Variants in DCDC1 observed in about 807,000 individuals in gnomAD.
DCDC1 encodes the protein doublecortin domain containing 1.
A neutral mutation model predicts 178.3 loss-of-function variants in DCDC1; 200 were observed. That is an observed-to-expected ratio of 1.12 (90% confidence interval 1.00 to 1.26). The LOEUF is 1.26. Ranked by LOEUF, DCDC1 falls within the 50% of genes most tolerant of loss-of-function variation. The pLI is 0.00. For missense variants in DCDC1, 1,983 were observed against 1,749.2 expected (o/e 1.13, Z -2.38); for synonymous variants, 690 against 604.8 (o/e 1.14, Z -2.07).
In DCDC1 at chr11:31,176,482, A is replaced by C. The variant is rs146485529; in HGVS notation, c.1222-38698T>G. Among the ~76,000 whole-genome samples, 35 of 152,346 alleles carry C rather than the reference A, an allele frequency of 2.3e-4. No homozygotes were observed. In the East Asian group the frequency reaches 5.0e-3, roughly 22 times the overall value. On this transcript the variant is annotated intron_variant, in intron 9 of 38. Coordinates refer to ENST00000684477, the MANE Select transcript of DCDC1 (RefSeq NM_001387274.1). The stretch of plus-strand genomic sequence containing the variant: ...GAGAAAAGCAAAGAAAATCTATTTA[A>C]CAAAAAATAGCTGAAAATTTGCCAA...
At chr11:31,041,599 CAAGTCTGTGCTCCT>C (rs1299086133) in intron 20 of DCDC1, among the ~76,000 whole-genome samples, 1 of 152,144 alleles carries the variant, frequency 6.6e-6, no homozygotes, top group Non-Finnish European at 1.5e-5. Context: ...TTTTGTCTCC[CAAGTCTGTGCTCCT>C]AATTCTTATA....
Position 30,881,289 on chromosome 11 carries a change from G to A in DCDC1, c.5102C>T (p.Ser1701Phe), listed in dbSNP as rs747352961. 4.1e-5 allele frequency: 66 copies of A among 1,613,184 alleles called. No homozygotes were observed. In the East Asian group the frequency reaches 1.0e-3, roughly 25 times the overall value. The change falls in exon 37 of 39, where the codon TCT becomes TTT. Residue 1701 changes from serine to phenylalanine, a missense_variant. Ser to Phe is a radical substitution (Grantham distance 155). Coordinates refer to ENST00000684477, the MANE Select transcript of DCDC1 (RefSeq NM_001387274.1). ...AGCTGGGTGGGTCATTTTGAGACGA[G>A]AGGAGCAGTCTTGCAGCAGCTGAGA... ...TISELLQDCS[S>F]RLKMTHPARA...
At chr11:31,082,800 T>G (rs1372364741) in intron 17 of DCDC1, among the ~76,000 whole-genome samples, 1 of 152,142 alleles carries the variant, frequency 6.6e-6, no homozygotes, top group Non-Finnish European at 1.5e-5. Flanking sequence ...ATCACAAGTT[T>G]CTTTTCTCAG....
chr11:30,974,166 A>T (rs1949973257), intron 20 of DCDC1, among the ~76,000 whole-genome samples: 1 of 152,078 alleles, frequency 6.6e-6, no homozygotes, highest in Admixed American at 6.6e-5. Flanking sequence ...AAGGAGAAAT[A>T]AAAAAAGTTA....
At chr11:31,112,160 T>C (rs529002368) in intron 11 of DCDC1, among the ~76,000 whole-genome samples, 4 of 152,336 alleles carry the variant, frequency 2.6e-5, no homozygotes, top group African/African-American at 9.6e-5. Context: ...TTTCACTGTG[T>C]GTCCAAAAAC....
chr11:30,952,289 T>A (rs1948471131), intron 21 of DCDC1, among the ~76,000 whole-genome samples, 156 bp downstream of exon 21: 1 of 152,188 alleles, frequency 6.6e-6, no homozygotes. Context: ...CTTAAACACA[T>A]CTAATTAATT....
rs138951443 is a variant in DCDC1 at position 30,957,462 on chromosome 11, A to G, written c.2592-4894T>C. On this transcript the variant is annotated intron_variant, in intron 20 of 38. Transcript: ENST00000684477. ...AGTCAAAGGTCTTTTCTTAAAACAT[A>G]CCTGAACTAACAGAAACATCTGACA... Among the ~76,000 whole-genome samples, 4 of 152,244 alleles carry G rather than the reference A, an allele frequency of 2.6e-5. No individual in the cohort carries two copies. The East Asian group carries it at 7.7e-4, about 29-fold the overall frequency.
rs754464740 is a variant in DCDC1, at chr11:30,864,275, C to T, written c.*1098G>A. The T allele has an allele frequency of 1.3e-5, 2 of 152,186 alleles. No individual in the cohort carries two copies. The highest frequency in any genetic ancestry group is 2.9e-5 in the Non-Finnish European group (2 of 68,048). 9.4% of individuals were successfully genotyped at this position (152,186 alleles called of 1,614,324 possible). A position where few individuals can be genotyped will look rare whatever the true frequency, so the allele number is the denominator to read the frequency against. ...TTGTCAATTCATCTATAAGTAATTT[C>T]ACATAACTTTTGGATGTTTCTTCAA... On this transcript the variant is annotated 3_prime_UTR_variant, in exon 39 of 39. Transcript: ENST00000684477.
At chr11:31,368,758 G>A (rs1049939214) in intron 1 of DCDC1, among the ~76,000 whole-genome samples, 3 of 152,170 alleles carry the variant, frequency 2.0e-5, no homozygotes, top group Non-Finnish European at 4.4e-5. Flanking sequence ...AATCAAAGCA[G>A]TAACAACAAA....
chr11:31,102,225 A>G lies in DCDC1; in HGVS notation c.1935T>C (p.Pro645=), dbSNP rs1169364582. ...CCAAGTCCACCTTTTCAAACTGGTC[A>G]GGTATCTGTTGACTGGTACAGTTGA... ...INFNCTSQQI[P]DQFEKVDLEN... is the part of the protein sequence containing the mutation. The change falls in exon 15 of 39, where the codon CCT becomes CCC. Residue 645 remains proline (P), a synonymous_variant. Coordinates refer to ENST00000684477, the MANE Select transcript of DCDC1 (RefSeq NM_001387274.1). The G allele has an allele frequency of 9.4e-6, 7 of 741,112 alleles. No individual in the cohort carries two copies. In the Admixed American group the frequency reaches 1.2e-4, roughly 13 times the overall value. The allele number at this position is 741,112 out of a possible 1,614,324, so 45.9% of individuals were successfully genotyped here. A position where few individuals can be genotyped will look rare whatever the true frequency, so the allele number is the denominator to read the frequency against.
At chr11:31,068,703 T>A (rs905888384) in intron 18 of DCDC1, among the ~76,000 whole-genome samples, 3 of 152,210 alleles carry the variant, frequency 2.0e-5, no homozygotes, top group African/African-American at 7.2e-5. Context: ...AACTAACATG[T>A]ATCCCTTTTA....
At chr11:30,945,088 C>T (rs1947926625) in intron 21 of DCDC1, among the ~76,000 whole-genome samples, 1 of 150,396 alleles carries the variant, frequency 6.6e-6, no homozygotes, top group Middle Eastern at 3.4e-3. Context: ...CCTGCCTCAG[C>T]CTCCTGAGTA....
chr11:31,195,675 C>T (rs539625653), intron 9 of DCDC1, among the ~76,000 whole-genome samples: 11 of 152,082 alleles, frequency 7.2e-5, no homozygotes, highest in South Asian at 4.1e-4. Context: ...AAAACACTTA[C>T]CAACGTTTCT....
chr11:31,110,270 A>T lies in DCDC1; in HGVS notation c.1577T>A (p.Met526Lys). ...TGTCAGTAAACTCACTCTTTCCATCATATGGTCAGTTTGAATTGGGCTATC... is the reference window on the plus strand; with the variant it reads ...TGTCAGTAAACTCACTCTTTCCATCTTATGGTCAGTTTGAATTGGGCTATC... Reference protein sequence around the residue: ...GSDSPIQTDHMMERLLLKIHQ... With the variant: ...GSDSPIQTDHKMERLLLKIHQ... The change falls in exon 12 of 39, where the codon ATG (methionine) becomes AAG (lysine). Residue 526 changes from methionine to lysine, a missense_variant. Coordinates refer to ENST00000684477, the MANE Select transcript of DCDC1 (RefSeq NM_001387274.1). The T allele has an allele frequency of 1.4e-6, 1 of 716,336 alleles. No homozygotes were observed. Among genetic ancestry groups the T allele is most frequent in the Non-Finnish European group, 2.6e-6 (1 of 390,184 alleles). 44.4% of individuals were successfully genotyped at this position (716,336 alleles called of 1,614,324 possible).
chr11:31,202,333 C>T (rs1421216309), intron 9 of DCDC1, among the ~76,000 whole-genome samples: 1 of 151,298 alleles, frequency 6.6e-6, no homozygotes, highest in Non-Finnish European at 1.5e-5. Flanking sequence ...GACGCCGAGG[C>T]GGGTGGATTG....
At chr11:31,092,361 G>T (rs1165273339) in intron 16 of DCDC1, among the ~76,000 whole-genome samples, 2 of 152,142 alleles carry the variant, frequency 1.3e-5, no homozygotes, top group African/African-American at 2.4e-5. Context: ...ATCCTTGTTT[G>T]ATCATGCTTG....
intron 23 of DCDC1, among the ~76,000 whole-genome samples, chr11:30,924,099 A>G (rs538359425): frequency 5.3e-4 from 80 of 152,306 alleles, no homozygotes; most frequent in African/African-American, 1.9e-3. Context: ...CTGCTTTGCC[A>G]TGGTGGCCTC....
chr11:30,986,336 C>CTTT (rs1165693386), intron 20 of DCDC1, among the ~76,000 whole-genome samples: 2 of 139,948 alleles, frequency 1.4e-5, no homozygotes, highest in Non-Finnish European at 3.1e-5. Flanking sequence ...TTCTCTCTCT[C>CTTT]TTTTTTTTTT....
intron 22 of DCDC1, among the ~76,000 whole-genome samples, chr11:30,928,409 T>C (rs1438976268): frequency 3.5e-5 from 5 of 141,830 alleles, no homozygotes; most frequent in African/African-American, 1.0e-4. Flanking sequence ...AAGACATTCA[T>C]GTTTTAAAAA....
Sources: allele counts gnomAD v4.1 joint callset (sites outside exome capture counted in the v4.1 genomes callset), GRCh38; gene constraint gnomAD v4.1.1; transcripts MANE v1.5; gene names NCBI Gene and HGNC (gene_info 2026-07-23, HGNC 2026-07-21).